ADAM22: variants seen among roughly 807,000 people sequenced by gnomAD.
The protein encoded by ADAM22 is disintegrin and metalloproteinase domain-containing protein 22.
In ADAM22, 65 loss-of-function variants were observed where a neutral mutation model predicts 144.6. The observed-to-expected ratio is 0.45, with a 90% CI of 0.37 to 0.55. The LOEUF (loss-of-function observed/expected upper bound fraction) is 0.55. Ranked by LOEUF, ADAM22 falls within the 20% of genes least tolerant of loss-of-function variation. ADAM22 has a pLI of 0.00. For synonymous variants in ADAM22, 391 were observed against 412.6 expected (o/e 0.95, Z 0.63); for missense variants, 974 against 1,184.9 (o/e 0.82, Z 2.61).
chr7:88,045,292 A>G (rs891789941), intron 3 of ADAM22, among the ~76,000 whole-genome samples: 1 of 152,234 alleles, frequency 6.6e-6, no homozygotes, highest in Non-Finnish European at 1.5e-5. Context: ...TGCTGGGATT[A>G]TAGGCTTGAG....
intron 2 of ADAM22, among the ~76,000 whole-genome samples, chr7:87,977,825 A>C (rs1421762435): frequency 1.3e-5 from 2 of 152,166 alleles, no homozygotes; most frequent in African/African-American, 4.8e-5. Context: ...GAAGATGTGG[A>C]AACCTTGATG....
Position 88,196,353 on chromosome 7 carries a change from T to G in ADAM22, c.2875-118T>G, listed in dbSNP as rs933089165. The G allele has an allele frequency of 4.0e-5, 46 of 1,161,342 alleles. 1 individual carries two copies. The highest frequency in any genetic ancestry group is 2.4e-4 in the Middle Eastern group (1 of 4,216). The allele number at this position is 1,161,342 out of a possible 1,614,324, so 71.9% of individuals were successfully genotyped here. A position where few individuals can be genotyped will look rare whatever the true frequency, so the allele number is the denominator to read the frequency against. On this transcript the variant is annotated intron_variant, in intron 31 of 31. Transcript: ENST00000413139. The stretch of plus-strand genomic sequence containing the variant: ...ATCCACTTTTTAGACTTTGCAAGAG[T>G]GTGCATCCACAATCACATATATATG...
Position 88,178,919 on chromosome 7 carries a change from G to A in ADAM22, c.2301-16G>A. 4.5e-6 allele frequency: 7 copies of A among 1,546,374 alleles called. No homozygotes were observed. The highest frequency in any genetic ancestry group is 6.1e-6 in the Non-Finnish European group (7 of 1,139,232). On this transcript the variant is annotated splice_polypyrimidine_tract_variant and intron_variant, in intron 26 of 31. Transcript: ENST00000413139. ...GTGTCTTGTTTTCTGACTCTGAAAT[G>A]TTTATTATGCCTTAGACAGTTACCC... is the stretch of plus-strand genomic sequence containing the variant.
At chr7:87,945,287 C>T (rs906354407) in intron 2 of ADAM22, among the ~76,000 whole-genome samples, 1 of 152,030 alleles carries the variant, frequency 6.6e-6, no homozygotes, top group African/African-American at 2.4e-5. Context: ...TTGGAAAATT[C>T]GTTCTTACTG....
At chr7:88,034,939 C>T (rs944294810) in intron 3 of ADAM22, among the ~76,000 whole-genome samples, 39 of 152,152 alleles carry the variant, frequency 2.6e-4, no homozygotes, top group Admixed American at 1.6e-3. Flanking sequence ...TTCCTACTGT[C>T]TTCAGTGCCT....
intron 3 of ADAM22, among the ~76,000 whole-genome samples, chr7:88,000,483 A>G (rs1160459525): frequency 6.6e-6 from 1 of 152,176 alleles, no homozygotes; most frequent in African/African-American, 2.4e-5. Flanking sequence ...AGGCATGCAT[A>G]TTCAGGATTG....
intron 3 of ADAM22, among the ~76,000 whole-genome samples, chr7:88,048,521 A>C (rs1805307141): frequency 6.6e-6 from 1 of 152,138 alleles, no homozygotes; most frequent in African/African-American, 2.4e-5. Context: ...TGTTTATGTT[A>C]GGTAAAAAAT....
chr7:88,048,482 C>T (rs73706960), intron 3 of ADAM22, among the ~76,000 whole-genome samples: 2,517 of 152,124 alleles, frequency 0.017, 84 homozygotes, highest in African/African-American at 0.057. Flanking sequence ...ACCTGTGTTC[C>T]TAAATTTTTA....
intron 6 of ADAM22, 45 bp from the exon 7 acceptor site, chr7:88,116,700 A>G: frequency 1.3e-6 from 2 of 1,501,190 alleles, no homozygotes; most frequent in Non-Finnish European, 1.9e-6. Flanking sequence ...GGCTGGAGAT[A>G]ATCCTGTTGT....
intron 2 of ADAM22, among the ~76,000 whole-genome samples, chr7:87,951,017 T>A (rs1844965743): frequency 1.3e-5 from 2 of 152,244 alleles, no homozygotes; most frequent in South Asian, 4.1e-4. Flanking sequence ...TTGTTTGATT[T>A]CATTGTCGAG....
chr7:87,944,829 T>G (rs1265068915), intron 2 of ADAM22, among the ~76,000 whole-genome samples: 1 of 149,774 alleles, frequency 6.7e-6, no homozygotes, highest in African/African-American at 2.5e-5. Flanking sequence ...TTTTTTTTTT[T>G]TGTTTTTTTT....
intron 3 of ADAM22, among the ~76,000 whole-genome samples, chr7:87,980,605 A>T (rs968771634): frequency 9.2e-5 from 14 of 152,042 alleles, no homozygotes; most frequent in Middle Eastern, 3.2e-3. Flanking sequence ...CCAATAATAC[A>T]TATTTTTTGA....
At chr7:87,976,882 T>G (rs888578252) in intron 2 of ADAM22, among the ~76,000 whole-genome samples, 3 of 151,802 alleles carry the variant, frequency 2.0e-5, no homozygotes, top group African/African-American at 7.3e-5. Flanking sequence ...TTTTTTTTTT[T>G]TGATACAGTA....
chr7:88,195,251 A>C (rs1850426259), intron 31 of ADAM22, among the ~76,000 whole-genome samples: 1 of 152,194 alleles, frequency 6.6e-6, no homozygotes, highest in Admixed American at 6.5e-5. Context: ...ATATTTCATC[A>C]GCTTGATCTT....
intron 3 of ADAM22, among the ~76,000 whole-genome samples, chr7:88,042,589 C>T (rs1803431425): frequency 6.6e-6 from 1 of 151,742 alleles, no homozygotes; most frequent in African/African-American, 2.4e-5. Context: ...ATATTTTTAC[C>T]TTTACTCACA....
intron 3 of ADAM22, among the ~76,000 whole-genome samples, chr7:88,048,506 A>G (rs1013299140): frequency 3.3e-5 from 5 of 152,134 alleles, no homozygotes; most frequent in African/African-American, 1.2e-4. Context: ...ATCTTTTAAA[A>G]TACTTGTTTA....
chr7:88,123,193 A>G (rs2129494054), intron 7 of ADAM22, among the ~76,000 whole-genome samples: 1 of 152,250 alleles, frequency 6.6e-6, no homozygotes, highest in Non-Finnish European at 1.5e-5. Context: ...CATTTGTAAA[A>G]TATAGGTTCA....
At chr7:87,957,018 G>GT (rs1379328978) in intron 2 of ADAM22, among the ~76,000 whole-genome samples, 1 of 151,974 alleles carries the variant, frequency 6.6e-6, no homozygotes, top group Non-Finnish European at 1.5e-5. Flanking sequence ...CCTGCCTATG[G>GT]TGCACTCAAG....
intron 29 of ADAM22, among the ~76,000 whole-genome samples, chr7:88,182,427 A>G (rs1847294639): frequency 6.6e-6 from 1 of 152,170 alleles, no homozygotes; most frequent in Non-Finnish European, 1.5e-5. Flanking sequence ...CCATTGTACT[A>G]GAGCATGATA....
Sources: gnomAD v4.1 joint callset for allele counts (sites outside exome capture counted in the v4.1 genomes callset) on GRCh38, gnomAD v4.1.1 for gene constraint, MANE v1.5 for transcripts, NCBI Gene and HGNC (gene_info 2026-07-23, HGNC 2026-07-21) for gene names.